The following SRCIN1 variants were observed in gnomAD, a reference collection of about 807,000 sequenced individuals.
SRCIN1 encodes P130Cas-associated protein.
Under a neutral mutation model 116.2 loss-of-function variants are expected in SRCIN1, and 50 were observed. The ratio of observed to expected loss-of-function variants is 0.43; its 90% confidence interval spans 0.34 to 0.54. SRCIN1 has a LOEUF of 0.54. SRCIN1 is among the 20% of genes least tolerant of loss of function. The pLI is 0.02. For synonymous variants in SRCIN1, 736 were observed against 750.0 expected (o/e 0.98, Z 0.30); for missense variants, 1,446 against 1,672.0 (o/e 0.86, Z 2.36).
At chr17:38,570,583 C>T (rs146939306) in intron 2 of SRCIN1, among the ~76,000 whole-genome samples, 3 of 152,168 alleles carry the variant, frequency 2.0e-5, no homozygotes, top group Non-Finnish European at 4.4e-5. Flanking sequence ...GATGTTCTGT[C>T]CCCCACCCTG....
chr17:38,554,163 A>G (rs1276939781), intron 11 of SRCIN1, among the ~76,000 whole-genome samples: 1 of 151,812 alleles, frequency 6.6e-6, no homozygotes, highest in Non-Finnish European at 1.5e-5. Context: ...GTGGGCCGAG[A>G]TCATGCCACT....
At chr17:38,606,598 C>T (rs1909380753), upstream of SRCIN1, among the ~76,000 whole-genome samples, 1 of 152,212 alleles carries the variant, frequency 6.6e-6, no homozygotes, top group South Asian at 2.1e-4. This position sits in a 1 kb window ranked among gnomAD's most constrained non-coding sequence, Gnocchi z 5.2. Context: ...CAGGTCCGCG[C>T]CCCTCCGGCC....
Position 38,558,548 on chromosome 17 carries a change from C to T in SRCIN1, c.2026-146G>A. On this transcript the variant is annotated intron_variant, in intron 10 of 18. Transcript: ENST00000617146. The surrounding 1 kb of genome is among the most constrained non-coding windows in gnomAD (Gnocchi z 4.6). ...GGCTGCTTGGCTCCGCCTCAGGCAGCAGCGAAGGGGTGGGATGGCGAAGGG... is the reference window on the plus strand; with the variant it reads ...GGCTGCTTGGCTCCGCCTCAGGCAGTAGCGAAGGGGTGGGATGGCGAAGGG... 1.1e-6 allele frequency: 1 copy of T among 885,772 alleles called. No individual in the cohort carries two copies. The highest frequency in any genetic ancestry group is 3.1e-5 in the Admixed American group (1 of 32,058). The allele number at this position is 885,772 out of a possible 1,614,324, so 54.9% of individuals were successfully genotyped here.
At chr17:38,540,820 C>T (rs1025842107) in intron 18 of SRCIN1, among the ~76,000 whole-genome samples, 1 of 152,100 alleles carries the variant, frequency 6.6e-6, no homozygotes, top group African/African-American at 2.4e-5. Context: ...GTTCCCTCCC[C>T]ACCCCCAGGT....
In SRCIN1 at chr17:38,562,100, C is replaced by A; in HGVS notation, c.1063G>T (p.Ala355Ser). The change falls in exon 7 of 19, where the codon GCC (alanine) becomes TCC (serine). Residue 355 changes from alanine to serine, a missense_variant. Ala to Ser is a moderately conservative substitution (Grantham distance 99). Coordinates refer to ENST00000617146, the MANE Select transcript of SRCIN1 (RefSeq NM_025248.3). The surrounding 1 kb of genome is among the most constrained non-coding windows in gnomAD (Gnocchi z 4.2). ...GGGCTGACGCCCTGGGCGGCCGGGG[C>A]GCCTCCCAGCCTCTCGGCCGCGTGG... ...VHHAAERLGGAPAAQGVSPSP... is the reference protein window; with the variant it reads ...VHHAAERLGGSPAAQGVSPSP... 2 of 1,431,282 alleles carry A rather than the reference C, an allele frequency of 1.4e-6. No homozygotes were observed. Among genetic ancestry groups the A allele is most frequent in the Admixed American group, 2.9e-5 (1 of 34,598 alleles). 88.7% of individuals were successfully genotyped at this position (1,431,282 alleles called of 1,614,324 possible). A position where few individuals can be genotyped will look rare whatever the true frequency, so the allele number is the denominator to read the frequency against.
intron 11 of SRCIN1, among the ~76,000 whole-genome samples, chr17:38,553,216 C>G (rs966545890): frequency 3.9e-5 from 6 of 152,230 alleles, no homozygotes; most frequent in African/African-American, 1.4e-4. Flanking sequence ...GTGATTGTGC[C>G]ACTGCACTCT....
At chr17:38,595,286 C>G (rs1423575730) in intron 1 of SRCIN1, among the ~76,000 whole-genome samples, 1 of 152,056 alleles carries the variant, frequency 6.6e-6, no homozygotes, top group Non-Finnish European at 1.5e-5. Flanking sequence ...GGCGCAATCT[C>G]GGCTCACTGC....
chr17:38,543,910 C>T lies in SRCIN1; in HGVS notation c.3330G>A (p.Lys1110=), dbSNP rs546265785. Residue 1110 remains lysine (K), a synonymous_variant, in exon 18 of 19, where the codon AAG becomes AAA. Coordinates refer to ENST00000617146, the MANE Select transcript of SRCIN1 (RefSeq NM_025248.3). ...KVVTPGASRL[K]AAQGQAGSPD... is the part of the protein sequence containing the mutation. Reference sequence around the variant, plus strand: ...GGCTGCCCGCCTGGCCCTGGGCCGCCTTCAGCCGAGAGGCCCCCGGAGTCA... The same window carrying T: ...GGCTGCCCGCCTGGCCCTGGGCCGCTTTCAGCCGAGAGGCCCCCGGAGTCA... 1.2e-5 allele frequency: 19 copies of T among 1,604,536 alleles called. No individual in the cohort carries two copies. In the South Asian group the frequency reaches 2.0e-4, roughly 17 times the overall value.
At chr17:38,550,362 C>T (rs1272308788) in intron 15 of SRCIN1, among the ~76,000 whole-genome samples, 1 of 152,022 alleles carries the variant, frequency 6.6e-6, no homozygotes, top group Non-Finnish European at 1.5e-5. Flanking sequence ...GGGCGTGGTG[C>T]AGGCGCCTGT....
At chr17:38,590,959 G>C (rs536664226) in intron 1 of SRCIN1, among the ~76,000 whole-genome samples, 47 of 152,266 alleles carry the variant, frequency 3.1e-4, no homozygotes, top group Non-Finnish European at 5.0e-4. Context: ...CTCTTGGGGG[G>C]GCCTATTCCC....
In SRCIN1 at chr17:38,532,219, G is replaced by A. The variant is rs2040932138; in HGVS notation, c.*1078C>T. ...CCTGGGAAAACCCTCAAATTGCCAA[G>A]AGGATGACTGAAGTTCAAGTCACCC... On this transcript the variant is annotated 3_prime_UTR_variant, in exon 19 of 19. Transcript: ENST00000617146. The surrounding 1 kb of genome is among the most constrained non-coding windows in gnomAD (Gnocchi z 4.3). 1.3e-5 allele frequency: 2 copies of A among 152,338 alleles called. No individual in the cohort carries two copies. The highest frequency in any genetic ancestry group is 1.9e-4 in the East Asian group (1 of 5,168). 9.4% of individuals were successfully genotyped at this position (152,338 alleles called of 1,614,324 possible).
At chr17:38,571,270 T>C (rs1421391360) in intron 2 of SRCIN1, among the ~76,000 whole-genome samples, 1 of 152,138 alleles carries the variant, frequency 6.6e-6, no homozygotes. Context: ...CTTTCCAGGG[T>C]GTCTGTTCCT....
chr17:38,562,007 C>G lies in SRCIN1; in HGVS notation c.1156G>C (p.Gly386Arg). The G allele has an allele frequency of 6.7e-7, 1 of 1,494,048 alleles. No homozygotes were observed. The highest frequency in any genetic ancestry group is 1.3e-5 in the South Asian group (1 of 79,634). The allele number at this position is 1,494,048 out of a possible 1,614,324, so 92.5% of individuals were successfully genotyped here. A position where few individuals can be genotyped will look rare whatever the true frequency, so the allele number is the denominator to read the frequency against. The part of the protein sequence containing the change: ...PDEDLASKAG[G>R]MVLVKGEGLY... ...CCCTCGCCTTTCACCAGCACCATGC[C>G]GCCCGCCTTGCTCGCCAGGTCCTCG... Residue 386 changes from glycine (G) to arginine (R), a missense_variant, in exon 7 of 19, where the codon GGC becomes CGC. Gly to Arg is a moderately radical substitution (Grantham distance 125, BLOSUM62 -2). Coordinates refer to ENST00000617146, the MANE Select transcript of SRCIN1 (RefSeq NM_025248.3). The surrounding 1 kb of genome is among the most constrained non-coding windows in gnomAD (Gnocchi z 4.2).
At chr17:38,543,094 G>GT (rs1369225275) in intron 18 of SRCIN1, 1 of 456,592 alleles carries the variant, frequency 2.2e-6, no homozygotes, top group Non-Finnish European at 4.4e-6. Flanking sequence ...CACAGGTGAG[G>GT]TATGTCCACT....
chr17:38,547,660 T>A (rs188778090), intron 17 of SRCIN1: 52 of 255,386 alleles, frequency 2.0e-4, no homozygotes, highest in African/African-American at 1.2e-3. Flanking sequence ...CTTGGGATGG[T>A]GACTGGCGTT....
chr17:38,576,958 T>G (rs1488059919), intron 2 of SRCIN1, among the ~76,000 whole-genome samples: 2 of 151,994 alleles, frequency 1.3e-5, no homozygotes, highest in Non-Finnish European at 2.9e-5. Context: ...TGCCCCACTT[T>G]TTCAGTCAGC....
rs938462869 is a variant in SRCIN1 at position 38,533,420 on chromosome 17, T to C, written c.3429A>G (p.Pro1143=). 1.2e-6 allele frequency: 2 copies of C among 1,613,002 alleles called. No individual in the cohort carries two copies. The highest frequency in any genetic ancestry group is 1.3e-5 in the African/African-American group (1 of 74,830). Residue 1143 remains proline, a synonymous_variant, in exon 19 of 19, where the codon CCA becomes CCG. Transcript: ENST00000617146. ...RIQAQQQATK[P]SKEMSGSNET... ...CATTCGACCCGCTCATCTCTTTAGA[T>C]GGTTTAGTGGCCTGGAACAAAAACA...
chr17:38,572,507 G>A lies in SRCIN1; in HGVS notation c.325-4276C>T, dbSNP rs890276751. ...CGAAGGCACCTAATGCGGTGGGGGA[G>A]GGGAGGAGGCGTTTCTCAGGGATCG... is the stretch of plus-strand genomic sequence containing the variant. On this transcript the variant is annotated intron_variant, in intron 2 of 18. Coordinates refer to ENST00000617146, the MANE Select transcript of SRCIN1 (RefSeq NM_025248.3). This position sits in a 1 kb window ranked among gnomAD's most constrained non-coding sequence, Gnocchi z 4.3. Among the ~76,000 whole-genome samples the A allele has an allele frequency of 1.5e-4, 23 of 152,084 alleles. No individual in the cohort carries two copies. The highest frequency in any genetic ancestry group is 3.2e-4 in the Non-Finnish European group (22 of 67,978).
chr17:38,564,897 GA>G (rs1208602337), intron 3 of SRCIN1, among the ~76,000 whole-genome samples: 1 of 152,108 alleles, frequency 6.6e-6, no homozygotes, highest in East Asian at 1.9e-4. Flanking sequence ...AAACTATCCC[GA>G]ACTCCTCAAA....
Sources: allele counts gnomAD v4.1 joint callset (sites outside exome capture counted in the v4.1 genomes callset), GRCh38; gene constraint gnomAD v4.1.1; non-coding constraint Gnocchi (gnomAD v3.1); transcripts MANE v1.5; gene names NCBI Gene and HGNC (gene_info 2026-07-23, HGNC 2026-07-21).